The following CTNNA2 variants were observed in gnomAD, a reference collection of about 807,000 sequenced individuals.
The protein encoded by CTNNA2 is catenin alpha 2.
In CTNNA2, 42 loss-of-function variants were observed where a neutral mutation model predicts 101.0. That is an observed-to-expected ratio of 0.42 (90% CI 0.32 to 0.54). The LOEUF (loss-of-function observed/expected upper bound fraction) is 0.54. CTNNA2 is among the 20% of genes least tolerant of loss of function. The pLI, the probability that CTNNA2 is intolerant of heterozygous loss-of-function variation, is 0.14. For missense variants in CTNNA2, 871 were observed against 1,223.1 expected (o/e 0.71, Z 4.29); for synonymous variants, 450 against 456.4 (o/e 0.99, Z 0.18).
chr2:79,692,868 G>T (rs1010752225), intron 2 of CTNNA2, among the ~76,000 whole-genome samples: 1 of 136,346 alleles, frequency 7.3e-6, no homozygotes, highest in Non-Finnish European at 1.6e-5. Context: ...TACTGGGTCT[G>T]TCGGGGGGTG....
At chr2:79,462,081 A>T (rs1260008730) in intron 4 of CTNNA2, among the ~76,000 whole-genome samples, 1 of 152,196 alleles carries the variant, frequency 6.6e-6, no homozygotes, top group Non-Finnish European at 1.5e-5. Flanking sequence ...AAAAGTTACA[A>T]ATAAGAACAA....
intron 3 of CTNNA2, among the ~76,000 whole-genome samples, chr2:79,755,760 C>A (rs1672355602): frequency 6.6e-6 from 1 of 152,120 alleles, no homozygotes; most frequent in African/African-American, 2.4e-5. Context: ...TTATCAACAT[C>A]ATTTTAATTA....
At chr2:80,593,734 T>C (rs1327295340) in intron 15 of CTNNA2, among the ~76,000 whole-genome samples, 3 of 152,202 alleles carry the variant, frequency 2.0e-5, no homozygotes, top group African/African-American at 7.2e-5. Flanking sequence ...ATTTGTCCTT[T>C]TGTGACTGGC....
At chr2:80,039,250 C>T in intron 7 of CTNNA2, among the ~76,000 whole-genome samples, 1 of 152,158 alleles carries the variant, frequency 6.6e-6, no homozygotes, top group Non-Finnish European at 1.5e-5. Context: ...CCCACCACCA[C>T]TGTGCCACTA....
At chr2:79,385,844 C>T (rs1002231692) in intron 4 of CTNNA2, among the ~76,000 whole-genome samples, 3 of 152,126 alleles carry the variant, frequency 2.0e-5, no homozygotes, top group Non-Finnish European at 4.4e-5. Context: ...TCATCCATAT[C>T]CCTGCAAAGG....
intron 3 of CTNNA2, among the ~76,000 whole-genome samples, chr2:79,811,118 G>C (rs12615673): frequency 0.085 from 12,825 of 151,340 alleles, 875 homozygotes; most frequent in East Asian, 0.35. Context: ...CTTCCACAAT[G>C]GTTGAACTAG....
chr2:80,085,554 T>C (rs1332767846), intron 7 of CTNNA2, among the ~76,000 whole-genome samples: 1 of 152,112 alleles, frequency 6.6e-6, no homozygotes, highest in East Asian at 1.9e-4. Flanking sequence ...CCTGTATTCC[T>C]GAGGCATGTA....
intron 3 of CTNNA2, among the ~76,000 whole-genome samples, chr2:79,845,034 T>G (rs1309372158): frequency 6.3e-5 from 9 of 143,382 alleles, no homozygotes. Flanking sequence ...ATACATTGTG[T>G]ATATATATTT....
chr2:79,590,790 C>G (rs561933342), intron 1 of CTNNA2, among the ~76,000 whole-genome samples: 1 of 152,188 alleles, frequency 6.6e-6, no homozygotes, highest in South Asian at 2.1e-4. Context: ...CACAACTTAT[C>G]TGATGAGAAA....
chr2:80,572,571 A>G (rs1380064458), intron 12 of CTNNA2: 1 of 152,206 alleles, frequency 6.6e-6, no homozygotes, highest in African/African-American at 2.4e-5. Flanking sequence ...ATTTAAGAAG[A>G]TACTTATTCT....
chr2:79,785,253 C>G (rs1198674796), intron 3 of CTNNA2, among the ~76,000 whole-genome samples: 3 of 152,168 alleles, frequency 2.0e-5, no homozygotes, highest in Non-Finnish European at 4.4e-5. Flanking sequence ...ACAGGCCCCA[C>G]CTGTTCTGTT....
chr2:80,395,301 G>A (rs1266610428), intron 8 of CTNNA2, among the ~76,000 whole-genome samples: 1 of 152,076 alleles, frequency 6.6e-6, no homozygotes, highest in Admixed American at 6.5e-5. Context: ...GAGGAATAAG[G>A]GTAAAAGGAG....
At position 80,591,457 on chromosome 2, in the gene CTNNA2, G is replaced by GTTTTTTTT. The variant is rs567131551; in HGVS notation, c.2189+1986_2189+1993dup. Among the ~76,000 whole-genome samples, 73 of 70,308 alleles carry GTTTTTTTT rather than the reference G, an allele frequency of 1.0e-3. 10 individuals are homozygous for GTTTTTTTT. The highest frequency in any genetic ancestry group is 2.3e-3 in the African/African-American group (50 of 21,924). The allele number at this position is 70,308 out of a possible 152,430, so 46.1% of individuals were successfully genotyped here. A position where few individuals can be genotyped will look rare whatever the true frequency, so the allele number is the denominator to read the frequency against. The stretch of plus-strand genomic sequence containing the variant: ...ATTGCTGCCTCCATCTGCACAGCCT[G>GTTTTTTTT]TTTTTTTTTTTTTTTTTTTTTGCAA... On this transcript the variant is annotated intron_variant, in intron 15 of 18. Transcript: ENST00000402739.
intron 1 of CTNNA2, among the ~76,000 whole-genome samples, chr2:79,530,918 T>G (rs950539784): frequency 2.0e-5 from 3 of 152,142 alleles, no homozygotes; most frequent in African/African-American, 7.2e-5. Flanking sequence ...CTAGAGTAGG[T>G]AGACAGAAAT....
At chr2:79,554,696 C>G (rs1366414952) in intron 1 of CTNNA2, among the ~76,000 whole-genome samples, 3 of 152,136 alleles carry the variant, frequency 2.0e-5, no homozygotes, top group Non-Finnish European at 2.9e-5. Context: ...ACACCTCATA[C>G]CCAACATCAA....
intron 3 of CTNNA2, among the ~76,000 whole-genome samples, chr2:79,822,710 G>A (rs564096042): frequency 1.3e-5 from 2 of 152,072 alleles, no homozygotes; most frequent in African/African-American, 2.4e-5. Context: ...ATCCTCCCTG[G>A]CCGCTAGTGG....
chr2:79,836,756 C>G (rs1679396477), intron 3 of CTNNA2, among the ~76,000 whole-genome samples: 1 of 152,044 alleles, frequency 6.6e-6, no homozygotes, highest in African/African-American at 2.4e-5. Context: ...TGTATCTGGT[C>G]TCTTCTTTTT....
chr2:79,525,575 A>G (rs996704866), intron 1 of CTNNA2, among the ~76,000 whole-genome samples: 1 of 151,992 alleles, frequency 6.6e-6, no homozygotes, highest in Non-Finnish European at 1.5e-5. Flanking sequence ...ACATTATTAC[A>G]TTACATTACA....
intron 7 of CTNNA2, among the ~76,000 whole-genome samples, chr2:80,116,376 T>TAAAAAAAAA (rs563446744): frequency 1.5e-5 from 1 of 65,324 alleles, no homozygotes; most frequent in African/African-American, 4.6e-5. Context: ...CCTAAAAAGC[T>TAAAAAAAAA]AAAAAAAAAA....
Sources: allele counts gnomAD v4.1 joint callset (sites outside exome capture counted in the v4.1 genomes callset), GRCh38; gene constraint gnomAD v4.1.1; transcripts MANE v1.5; gene names NCBI Gene and HGNC (gene_info 2026-07-23, HGNC 2026-07-21).